USP7: variants seen among roughly 807,000 people sequenced by gnomAD.
USP7 encodes ubiquitin specific peptidase 7, also known as ubiquitin C-terminal hydrolase 7.
A neutral mutation model predicts 162.9 loss-of-function variants in USP7; 9 were observed. That is an observed-to-expected ratio of 0.06 (90% CI 0.03 to 0.10). USP7 has a LOEUF of 0.10. USP7 is among the 10% of genes least tolerant of loss of function. USP7 has a pLI of 1.00. For synonymous variants in USP7, 562 were observed against 475.9 expected (o/e 1.18, Z -2.35); for missense variants, 715 against 1,373.7 (o/e 0.52, Z 7.58).
chr16:8,936,852 CTGACTT>C (rs768506460), intron 1 of USP7: 1 of 930,274 alleles, frequency 1.1e-6, no homozygotes, highest in South Asian at 2.9e-5. Flanking sequence ...CTGAAAGAAT[CTGACTT>C]TGGTTAACAA....
intron 2 of USP7, among the ~76,000 whole-genome samples, chr16:8,928,204 T>C (rs975010550): frequency 5.3e-5 from 8 of 152,224 alleles, no homozygotes; most frequent in Non-Finnish European, 1.0e-4. Context: ...AAATGTCCCT[T>C]ACTAAGAAGT....
intron 10 of USP7, 87 bp from the exon 11 acceptor site, chr16:8,910,914 T>C: frequency 8.8e-7 from 1 of 1,131,006 alleles, no homozygotes; most frequent in Non-Finnish European, 1.3e-6. Context: ...AATCAGCATA[T>C]TTAGGATTAG....
intron 1 of USP7, among the ~76,000 whole-genome samples, chr16:8,941,119 T>C (rs538853895): frequency 3.3e-5 from 5 of 152,200 alleles, no homozygotes; most frequent in Non-Finnish European, 7.4e-5. Context: ...CCAATTCACA[T>C]GGGGCCCATG....
At position 8,932,115 on chromosome 16, in the gene USP7, T is replaced by A. The variant is rs147333649; in HGVS notation, c.80-1718A>T. On this transcript the variant is annotated intron_variant, in intron 1 of 30. Coordinates refer to ENST00000344836, the MANE Select transcript of USP7 (RefSeq NM_003470.3). Reference sequence around the variant, plus strand: ...ACGCTTAGATTACATCATAAACCTCTCCAATAATTCCTGAATAAAATGGTA... The same window carrying A: ...ACGCTTAGATTACATCATAAACCTCACCAATAATTCCTGAATAAAATGGTA... 1.2e-4 allele frequency among the ~76,000 whole-genome samples: 19 copies of A among 152,110 alleles called. No homozygotes were observed. In the East Asian group the frequency reaches 3.7e-3, roughly 29 times the overall value.
In USP7 at chr16:8,920,242, G is replaced by A; in HGVS notation, c.611+117C>T. 6 of 856,508 alleles carry A rather than the reference G, an allele frequency of 7.0e-6. No individual in the cohort carries two copies. The Admixed American group carries it at 1.2e-4, about 18-fold the overall frequency. The allele number at this position is 856,508 out of a possible 1,614,324, so 53.1% of individuals were successfully genotyped here. A position where few individuals can be genotyped will look rare whatever the true frequency, so the allele number is the denominator to read the frequency against. On this transcript the variant is annotated intron_variant, in intron 5 of 30. Transcript: ENST00000344836. Reference sequence around the variant, plus strand: ...TGTGACTCTGTGTGCCACAGGGCAAGCGCAGAGAGGAGGCTTACTGATTAA... The same window carrying A: ...TGTGACTCTGTGTGCCACAGGGCAAACGCAGAGAGGAGGCTTACTGATTAA...
At chr16:8,908,607 T>C (rs1308340530) in intron 11 of USP7, among the ~76,000 whole-genome samples, 157 bp from the exon 12 acceptor site, 5 of 152,218 alleles carry the variant, frequency 3.3e-5, no homozygotes, top group African/African-American at 1.2e-4. Context: ...TTTGAAATGT[T>C]TTCTTTAGGT....
intron 6 of USP7, 100 bp downstream of exon 6, chr16:8,918,931 G>A: frequency 8.5e-7 from 1 of 1,181,176 alleles, no homozygotes; most frequent in East Asian, 2.4e-5. Flanking sequence ...GACAGGGCCA[G>A]GGGAGGGAGA....
At chr16:8,940,100 A>G (rs1264613948) in intron 1 of USP7, among the ~76,000 whole-genome samples, 2 of 150,790 alleles carry the variant, frequency 1.3e-5, no homozygotes, top group Non-Finnish European at 3.0e-5. Context: ...TCTGTCTCCA[A>G]AAAAAAAAGG....
Position 8,939,413 on chromosome 16 carries a change from G to T in USP7, c.80-9016C>A, listed in dbSNP as rs74010333. On this transcript the variant is annotated intron_variant, in intron 1 of 30. Transcript: ENST00000344836. ...TAGGATATCATGGCAGGGATGGACT[G>T]CCATTTGACCATTCACTTGCTGACA... Among the ~76,000 whole-genome samples, 511 of 152,328 alleles carry T rather than the reference G, an allele frequency of 3.4e-3. 1 individual carries two copies. The highest frequency in any genetic ancestry group is 0.012 in the African/African-American group (488 of 41,574).
At position 8,949,377 on chromosome 16, in the gene USP7, T is replaced by A. The variant is rs141022022; in HGVS notation, c.79+13830A>T. 3.5e-4 allele frequency among the ~76,000 whole-genome samples: 53 copies of A among 152,312 alleles called. No individual in the cohort carries two copies. The East Asian group carries it at 8.7e-3, about 25-fold the overall frequency. On this transcript the variant is annotated intron_variant, in intron 1 of 30. Transcript: ENST00000344836. ...GTACTATGTAGGGAAAAACTACTGTTCGAGGCATTGAAAATGCCTGGGGCA... is the reference window on the plus strand; with the variant it reads ...GTACTATGTAGGGAAAAACTACTGTACGAGGCATTGAAAATGCCTGGGGCA...
In USP7 at chr16:8,894,850, C is replaced by T. The variant is rs968703455; in HGVS notation, c.3045G>A (p.Glu1015=). The T allele has an allele frequency of 3.1e-6, 5 of 1,614,116 alleles. No individual in the cohort carries two copies. The highest frequency in any genetic ancestry group is 4.2e-6 in the Non-Finnish European group (5 of 1,180,062). The change falls in exon 29 of 31, where the codon GAG becomes GAA. Residue 1015 remains glutamate, a synonymous_variant. Transcript: ENST00000344836. ...TTCGCTTCATCACTTCTCGAAAATG[C>T]TCGCCCTAGAATGGCAAAGGACATG... ...IPFLLRIHQG[E]HFREVMKRIQ...
At chr16:8,900,053 C>A in intron 21 of USP7, 1 of 470,006 alleles carries the variant, frequency 2.1e-6, no homozygotes. Context: ...CAGACCCAGA[C>A]GCAGTGTCTT....
chr16:8,916,014 T>C lies in USP7; in HGVS notation c.906+488A>G, dbSNP rs145047119. ...GCCATTTCATGTTGTGTGTGTGTGC[T>C]TCTGCGTCTTTTATCACAACTGGAA... On this transcript the variant is annotated intron_variant, in intron 8 of 30. Coordinates refer to ENST00000344836, the MANE Select transcript of USP7 (RefSeq NM_003470.3). Among the ~76,000 whole-genome samples the C allele has an allele frequency of 4.4e-3, 663 of 152,276 alleles. 4 individuals carry two copies. The highest frequency in any genetic ancestry group is 0.027 in the Middle Eastern group (8 of 294).
At chr16:8,924,829 C>G (rs1365636844) in intron 2 of USP7, among the ~76,000 whole-genome samples, 4 of 152,248 alleles carry the variant, frequency 2.6e-5, no homozygotes, top group South Asian at 2.1e-4. Flanking sequence ...TTGAGACACT[C>G]TTCATCCCAA....
chr16:8,917,174 TA>T lies in USP7; in HGVS notation c.721-19del, dbSNP rs1377127145. On this transcript the variant is annotated intron_variant, in intron 6 of 30. Coordinates refer to ENST00000344836, the MANE Select transcript of USP7 (RefSeq NM_003470.3). ...TACACAGCCTGAAACAATTAAGAAA[TA>T]AGAATTTTTACTCTGAGAAGATGCA... The T allele has an allele frequency of 6.3e-7, 1 of 1,577,594 alleles. No homozygotes were observed. Among genetic ancestry groups the T allele is most frequent in the Non-Finnish European group, 8.6e-7 (1 of 1,169,300 alleles).
intron 1 of USP7, 107 bp from the exon 2 acceptor site, chr16:8,930,504 C>A: frequency 1.4e-6 from 1 of 696,720 alleles, no homozygotes; most frequent in Non-Finnish European, 2.2e-6. Context: ...TAATAAATTC[C>A]AATTGTACCA....
At chr16:8,924,923 G>C (rs1348512777) in intron 2 of USP7, among the ~76,000 whole-genome samples, 1 of 152,186 alleles carries the variant, frequency 6.6e-6, no homozygotes, top group Non-Finnish European at 1.5e-5. Flanking sequence ...GGCGCATCTT[G>C]TCCAAAATAA....
At position 8,899,770 on chromosome 16, in the gene USP7, GA is replaced by G. The variant is rs1323019576; in HGVS notation, c.2310-14del. On this transcript the variant is annotated splice_polypyrimidine_tract_variant and intron_variant, in intron 21 of 30. Transcript: ENST00000344836. Reference sequence around the variant, plus strand: ...TTCAGGGTCATCCCTGGTGGAGGGAGAAAGTTTGCAGTCTGAATCAAAGTCC... The same window carrying G: ...TTCAGGGTCATCCCTGGTGGAGGGAGAAGTTTGCAGTCTGAATCAAAGTCC... 1 of 1,614,184 alleles carries G rather than the reference GA, an allele frequency of 6.2e-7. No individual in the cohort carries two copies. The highest frequency in any genetic ancestry group is 8.5e-7 in the Non-Finnish European group (1 of 1,180,006).
intron 1 of USP7, among the ~76,000 whole-genome samples, chr16:8,945,653 A>G (rs892696568): frequency 2.0e-5 from 3 of 152,212 alleles, no homozygotes; most frequent in African/African-American, 7.2e-5. Flanking sequence ...CCATACATTT[A>G]AACACAGTCC....
Sources: gnomAD v4.1 joint callset for allele counts (sites outside exome capture counted in the v4.1 genomes callset) on GRCh38, gnomAD v4.1.1 for gene constraint, MANE v1.5 for transcripts, NCBI Gene and HGNC (gene_info 2026-07-23, HGNC 2026-07-21) for gene names.